Variants in NFIA observed in about 807,000 individuals in gnomAD.
NFIA encodes the protein nuclear factor I A.
Under a neutral mutation model 62.8 loss-of-function variants are expected in NFIA, and 8 were observed. The observed-to-expected ratio is 0.13, with a 90% CI of 0.07 to 0.23. NFIA has a LOEUF of 0.23. Among genes scored for constraint, NFIA ranks in the 10% least tolerant of loss-of-function variants. NFIA has a pLI of 1.00. For missense variants in NFIA, 410 were observed against 642.1 expected (o/e 0.64, Z 3.91); for synonymous variants, 235 against 238.1 (o/e 0.99, Z 0.12).
chr1:61,315,374 A>G lies in NFIA; in HGVS notation c.626-17138A>G, dbSNP rs1281613215. On this transcript the variant is annotated intron_variant, in intron 3 of 10. Transcript: ENST00000403491. ...AGGGAGTAAATGAAATTGAACTCGCATACATATATGTTTGTGTATACATGC... is the reference window on the plus strand; with the variant it reads ...AGGGAGTAAATGAAATTGAACTCGCGTACATATATGTTTGTGTATACATGC... Among the ~76,000 whole-genome samples the G allele has an allele frequency of 1.3e-5, 2 of 152,220 alleles. 1 individual carries two copies. The highest frequency in any genetic ancestry group is 3.8e-4 in the East Asian group (2 of 5,208).
intron 2 of NFIA, among the ~76,000 whole-genome samples, chr1:61,168,130 A>G (rs1649709321): frequency 6.6e-6 from 1 of 152,176 alleles, no homozygotes; most frequent in Non-Finnish European, 1.5e-5. Flanking sequence ...TTTAGCACAT[A>G]TATTTATGTT....
At chr1:61,378,388 C>A (rs17122043) in intron 6 of NFIA, among the ~76,000 whole-genome samples, 1 of 152,082 alleles carries the variant, frequency 6.6e-6, no homozygotes, top group South Asian at 2.1e-4. Context: ...TACGTCTTAC[C>A]GTTTTCTCTA....
intron 2 of NFIA, among the ~76,000 whole-genome samples, chr1:61,164,607 C>A (rs1445871527): frequency 6.6e-6 from 1 of 151,986 alleles, no homozygotes; most frequent in Non-Finnish European, 1.5e-5. Flanking sequence ...CTACAGCCGC[C>A]CGCCGCCACG....
intron 6 of NFIA, among the ~76,000 whole-genome samples, chr1:61,375,983 G>T (rs141170831): frequency 6.6e-6 from 1 of 152,092 alleles, no homozygotes; most frequent in Non-Finnish European, 1.5e-5. Flanking sequence ...AAACATTCAT[G>T]TTGCCAAATC....
At chr1:61,078,795 C>A (rs1038077640), upstream of NFIA, among the ~76,000 whole-genome samples, 2 of 152,188 alleles carry the variant, frequency 1.3e-5, no homozygotes, top group African/African-American at 4.8e-5. Flanking sequence ...CAACAACCCC[C>A]GTGGAGAGTG....
upstream of NFIA, among the ~76,000 whole-genome samples, chr1:61,080,756 G>A (rs1401246518): frequency 1.3e-5 from 2 of 152,192 alleles, no homozygotes; most frequent in African/African-American, 4.8e-5. Flanking sequence ...AGATTTCCAA[G>A]GATGTTCAGG....
intron 3 of NFIA, among the ~76,000 whole-genome samples, chr1:61,289,452 T>C (rs1658725249): frequency 6.6e-6 from 1 of 152,206 alleles, no homozygotes; most frequent in Non-Finnish European, 1.5e-5. Flanking sequence ...TTAAGTAGCT[T>C]GTCCTACAGT....
At chr1:61,244,707 C>T (rs1270097488) in intron 2 of NFIA, among the ~76,000 whole-genome samples, 1 of 152,050 alleles carries the variant, frequency 6.6e-6, no homozygotes, top group Non-Finnish European at 1.5e-5. Context: ...TTTAAAAACC[C>T]TAGATTATTT....
intron 2 of NFIA, among the ~76,000 whole-genome samples, chr1:61,241,969 T>TA (rs1316995446): frequency 6.6e-6 from 1 of 152,154 alleles, no homozygotes; most frequent in Non-Finnish European, 1.5e-5. Flanking sequence ...CGAAGAGCGT[T>TA]AACTAAGACT....
At chr1:61,089,051 G>T (rs1159069281) in intron 2 of NFIA, among the ~76,000 whole-genome samples, 3 of 152,140 alleles carry the variant, frequency 2.0e-5, no homozygotes, top group Non-Finnish European at 4.4e-5. Flanking sequence ...TGGTATTGAG[G>T]CAATATTTTT....
chr1:61,135,050 A>G (rs993975702), intron 2 of NFIA, among the ~76,000 whole-genome samples: 1 of 152,136 alleles, frequency 6.6e-6, no homozygotes, highest in African/African-American at 2.4e-5. Flanking sequence ...TCCCACATTT[A>G]TTTTTTCTAT....
chr1:61,442,469 C>T (rs1667628941), intron 10 of NFIA, among the ~76,000 whole-genome samples: 1 of 151,848 alleles, frequency 6.6e-6, no homozygotes, highest in South Asian at 2.1e-4. Flanking sequence ...GTCTTCAAAA[C>T]CATTAGGATC....
chr1:61,115,215 A>C (rs1484223805), intron 2 of NFIA, among the ~76,000 whole-genome samples: 1 of 152,156 alleles, frequency 6.6e-6, no homozygotes, highest in African/African-American at 2.4e-5. Flanking sequence ...TCCTGACCTC[A>C]GGTGATCCAC....
At position 61,393,240 on chromosome 1, in the gene NFIA, TCTCC is replaced by T. The variant is rs1291361439; in HGVS notation, c.1075+9879_1075+9882del. ...TGGAATGGTTTCTTCTGCCTCGCCCTCTCCCTCTCTCTCTCTCTCTCTCTCTCTC... is the reference window on the plus strand; with the variant it reads ...TGGAATGGTTTCTTCTGCCTCGCCCTCTCTCTCTCTCTCTCTCTCTCTCTC... On this transcript the variant is annotated intron_variant, in intron 7 of 10. Coordinates refer to ENST00000403491, the MANE Select transcript of NFIA (RefSeq NM_001134673.4). Among the ~76,000 whole-genome samples, 198 of 61,076 alleles carry T rather than the reference TCTCC, an allele frequency of 3.2e-3. 23 individuals carry two copies. The highest frequency in any genetic ancestry group is 3.8e-3 in the Non-Finnish European group (145 of 38,326). The allele number at this position is 61,076 out of a possible 152,430, so 40.1% of individuals were successfully genotyped here.
chr1:61,263,134 T>C (rs1656872813), intron 2 of NFIA, among the ~76,000 whole-genome samples: 1 of 152,226 alleles, frequency 6.6e-6, no homozygotes, highest in South Asian at 2.1e-4. Flanking sequence ...CCTTTGACTT[T>C]GTTTTTCCCA....
intron 6 of NFIA, among the ~76,000 whole-genome samples, chr1:61,365,671 G>C (rs1663548493): frequency 1.3e-5 from 2 of 152,184 alleles, no homozygotes; most frequent in Admixed American, 1.3e-4. Context: ...TACTAGAGTA[G>C]ATACAGAGAG....
At chr1:61,265,948 A>G (rs953462224) in intron 2 of NFIA, among the ~76,000 whole-genome samples, 1 of 152,224 alleles carries the variant, frequency 6.6e-6, no homozygotes, top group African/African-American at 2.4e-5. Flanking sequence ...TGTTATTTCT[A>G]ATTGCACTTA....
intron 5 of NFIA, among the ~76,000 whole-genome samples, chr1:61,356,716 T>G (rs185035594): frequency 2.0e-5 from 3 of 152,322 alleles, no homozygotes; most frequent in Admixed American, 1.3e-4. Flanking sequence ...CAAAGAACAT[T>G]AAATAAGCAT....
intron 2 of NFIA, among the ~76,000 whole-genome samples, chr1:61,120,778 C>T (rs1356077005): frequency 6.6e-6 from 1 of 152,118 alleles, no homozygotes; most frequent in Admixed American, 6.5e-5. Context: ...TTTTAAATAG[C>T]TTGCTGGTTC....
Sources: gnomAD v4.1 joint callset for allele counts (sites outside exome capture counted in the v4.1 genomes callset) on GRCh38, gnomAD v4.1.1 for gene constraint, MANE v1.5 for transcripts, NCBI Gene and HGNC (gene_info 2026-07-23, HGNC 2026-07-21) for gene names.